PTX4: variants seen among roughly 807,000 people sequenced by gnomAD.
PTX4 encodes the protein pentraxin 4.
A neutral mutation model predicts 19.1 loss-of-function variants in PTX4; 23 were observed. The ratio of observed to expected loss-of-function variants is 1.20; its 90% CI spans 0.87 to 1.70. PTX4 has a LOEUF of 1.70. Ranked by LOEUF, PTX4 falls within the 40% of genes most tolerant of loss-of-function variation. The pLI is 0.00. For synonymous variants in PTX4, 317 were observed against 279.6 expected (o/e 1.13, Z -1.33); for missense variants, 678 against 610.5 (o/e 1.11, Z -1.17).
chr16:1,488,832 C>T lies in PTX4; in HGVS notation c.78G>A (p.Gln26=), dbSNP rs1393200767. The T allele has an allele frequency of 1.4e-6, 1 of 702,578 alleles. No individual in the cohort carries two copies. Among genetic ancestry groups the T allele is most frequent in the Admixed American group, 2.0e-5 (1 of 49,990 alleles). The allele number at this position is 702,578 out of a possible 1,614,324, so 43.5% of individuals were successfully genotyped here. A position where few individuals can be genotyped will look rare whatever the true frequency, so the allele number is the denominator to read the frequency against. The part of the protein sequence containing the change: ...VPIYLHGASS[Q]EAAPVGPRKP... ...TCCTGGGCCCCACTGGGGCGGCTTC[C>T]TGCGATGAAGCCCCATGTAGATATA... The change falls in exon 1 of 3, where the codon CAG becomes CAA. Residue 26 remains glutamine, a synonymous_variant. Transcript: ENST00000447419.
intron 1 of PTX4, chr16:1,488,456 T>C (rs137991965): frequency 9.3e-6 from 15 of 1,613,654 alleles, no homozygotes; most frequent in Non-Finnish European, 1.3e-5. Flanking sequence ...CCTCCCAGTT[T>C]CCACTCCCCA....
intron 1 of PTX4, chr16:1,488,243 C>T: frequency 2.0e-6 from 3 of 1,528,846 alleles, no homozygotes; most frequent in Non-Finnish European, 2.7e-6. Context: ...CCCATAACCA[C>T]CGGCAAGTCA....
In PTX4 at chr16:1,488,407, G is replaced by A. The variant is rs1304648205; in HGVS notation, c.141+362C>T. The A allele has an allele frequency of 1.2e-6, 2 of 1,613,620 alleles. No homozygotes were observed. Among genetic ancestry groups the A allele is most frequent in the Admixed American group, 3.3e-5 (2 of 60,004 alleles). The stretch of plus-strand genomic sequence containing the variant: ...CCGTGGACCCCGCGTGGGAGTCCGG[G>A]AGGCCGTTCACACCGACTGCCACAA... On this transcript the variant is annotated intron_variant, in intron 1 of 2. Transcript: ENST00000447419.
intron 2 of PTX4, 41 bp from the exon 3 acceptor site, chr16:1,486,620 C>G (rs750608143): frequency 3.6e-5 from 55 of 1,511,950 alleles, no homozygotes; most frequent in Non-Finnish European, 4.8e-5. Flanking sequence ...TGCAGGAGGC[C>G]GAGCAGAAGC....
At position 1,486,288 on chromosome 16, in the gene PTX4, A is replaced by G. The variant is rs757591937; in HGVS notation, c.1088T>C (p.Ile363Thr). Residue 363 changes from isoleucine to threonine, a missense_variant, in exon 3 of 3, where the codon ATC becomes ACC. By Grantham distance (89) the Ile-to-Thr change is moderately conservative. Coordinates refer to ENST00000447419, the MANE Select transcript of PTX4 (RefSeq NM_001328608.2). ...QLLLDGQWHH[I>T]CVIWTSTQGR... ...CTGGGTGGACGTCCAGATGACACAG[A>G]TGTGGTGCCACTGGCCGTCCAGCAG... 1 of 1,613,722 alleles carries G rather than the reference A, an allele frequency of 6.2e-7. No homozygotes were observed. Among genetic ancestry groups the G allele is most frequent in the South Asian group, 1.1e-5 (1 of 91,060 alleles).
At chr16:1,488,279 C>T (rs1203299086) in intron 1 of PTX4, 3 of 1,582,176 alleles carry the variant, frequency 1.9e-6, no homozygotes, top group Non-Finnish European at 1.7e-6. Context: ...CCAGCTCCTG[C>T]CTGTGAGCAG....
Position 1,487,745 on chromosome 16 carries a change from G to A in PTX4, c.367C>T (p.Arg123Trp), listed in dbSNP as rs750860083. The change falls in exon 2 of 3, where the codon CGG becomes TGG. Residue 123 changes from arginine (R) to tryptophan (W), a missense_variant. Arg to Trp is a moderately radical substitution (Grantham distance 101). Transcript: ENST00000447419. ...RRGRKVDTRL[R>W]ALDLTLGERS... ...TCGCCCAGGGTGAGGTCCAAGGCCC[G>A]CAGCCGCGTGTCTACTTTCCGGCCT... 1.9e-6 allele frequency: 3 copies of A among 1,612,150 alleles called. No individual in the cohort carries two copies. The highest frequency in any genetic ancestry group is 1.7e-4 in the Middle Eastern group (1 of 6,054).
rs925748943 is a variant in PTX4 at position 1,486,417 on chromosome 16, T to A, written c.959A>T (p.Asp320Val). 5 of 1,613,894 alleles carry A rather than the reference T, an allele frequency of 3.1e-6. No homozygotes were observed. In the African/African-American group the frequency reaches 5.3e-5, roughly 17 times the overall value. ...LGTLLSYATE[D>V]NDNKLVLHGR... ...GTGCAGCACCAGCTTGTTGTCATTG[T>A]CCTCGGTGGCGTAGGACAGGAGGGT... Residue 320 changes from aspartate to valine, a missense_variant, in exon 3 of 3, where the codon GAC (aspartate) becomes GTC (valine). Physicochemically the swap from Asp to Val is radical, Grantham distance 152 (BLOSUM62 -3). Transcript: ENST00000447419.
At position 1,486,188 on chromosome 16, in the gene PTX4, G is replaced by C. The variant is rs2039243474; in HGVS notation, c.1188C>G (p.Pro396=). The change falls in exon 3 of 3, where the codon CCC becomes CCG. Residue 396 remains proline (P), a synonymous_variant. Transcript: ENST00000447419. ...GGCCCAGCACGAGGGACCCTCCGGG[G>C]GGGATCTCATAGCCCTCCCTGAAGC... ...GSRFREGYEI[P]PGGSLVLGQE... is the part of the protein sequence containing the mutation. 3 of 1,613,720 alleles carry C rather than the reference G, an allele frequency of 1.9e-6. No individual in the cohort carries two copies. The highest frequency in any genetic ancestry group is 1.7e-5 in the Admixed American group (1 of 59,990).
At chr16:1,487,120 TCTGA>T (rs935191190) in intron 2 of PTX4, among the ~76,000 whole-genome samples, 192 bp downstream of exon 2, 9 of 152,172 alleles carry the variant, frequency 5.9e-5, no homozygotes, top group Admixed American at 1.3e-4. Context: ...CACGCCCTCC[TCTGA>T]CTGTGTTCCT....
rs775641130 is a variant in PTX4 at position 1,487,599 on chromosome 16, C to T, written c.513G>A (p.Leu171=). 1.3e-6 allele frequency: 2 copies of T among 1,566,944 alleles called. No individual in the cohort carries two copies. The highest frequency in any genetic ancestry group is 8.7e-7 in the Non-Finnish European group (1 of 1,155,112). Residue 171 remains leucine (L), a synonymous_variant, in exon 2 of 3, where the codon CTG becomes CTA. Coordinates refer to ENST00000447419, the MANE Select transcript of PTX4 (RefSeq NM_001328608.2). ...GGTGGGCCACGGGCAGCCGCCCCTC[C>T]AGAGCAGCCAGCCTGGCGCCCTGGC... ...VHSQGARLAA[L]EGRLPVAHPG... is the part of the protein sequence containing the mutation.
At position 1,486,552 on chromosome 16, in the gene PTX4, A is replaced by G; in HGVS notation, c.824T>C (p.Phe275Ser). The G allele has an allele frequency of 6.4e-7, 1 of 1,559,464 alleles. No homozygotes were observed. Among genetic ancestry groups the G allele is most frequent in the Non-Finnish European group, 8.7e-7 (1 of 1,154,958 alleles). The change falls in exon 3 of 3, where the codon TTC becomes TCC. Residue 275 changes from phenylalanine to serine, a missense_variant. Coordinates refer to ENST00000447419, the MANE Select transcript of PTX4 (RefSeq NM_001328608.2). Reference protein sequence around the residue: ...EICGVGPTLVFPNASTRNVVF... With the variant: ...EICGVGPTLVSPNASTRNVVF... The stretch of plus-strand genomic sequence containing the variant: ...CACGTTCCTGGTGGAGGCGTTTGGG[A>G]AAACGAGGGTGGGGCCCACGCCGCA...
rs746273114 is a variant in PTX4, at chr16:1,486,590, A to T, written c.797-11T>A. ...GGCCCACGCCGCAAACTAGAAACAG[A>T]GGAGGGAGGGTCAACCCCTTGCAGG... On this transcript the variant is annotated splice_polypyrimidine_tract_variant and intron_variant, in intron 2 of 2. Coordinates refer to ENST00000447419, the MANE Select transcript of PTX4 (RefSeq NM_001328608.2). The T allele has an allele frequency of 2.0e-6, 3 of 1,533,622 alleles. No homozygotes were observed. The highest frequency in any genetic ancestry group is 2.8e-5 in the African/African-American group (2 of 72,200).
rs776395033 is a variant in PTX4 at position 1,486,505 on chromosome 16, CGAAACCAGG to C, written c.862_870del (p.Pro288_Phe290del). On this transcript the variant is annotated inframe_deletion, in exon 3 of 3. Transcript: ENST00000447419. ...AAGGACAGGGCTCGCAGGGCAGTGA[CGAAACCAGG>C]GCTGAGGAAGACCACGTTCCTGGTG... 4 of 1,606,470 alleles carry C rather than the reference CGAAACCAGG, an allele frequency of 2.5e-6. No individual in the cohort carries two copies.
At chr16:1,486,897 T>G (rs1238072607) in intron 2 of PTX4, among the ~76,000 whole-genome samples, 1 of 152,180 alleles carries the variant, frequency 6.6e-6, no homozygotes, top group Non-Finnish European at 1.5e-5. Flanking sequence ...GCAAATTTCA[T>G]GACTCACAAC....
intron 1 of PTX4, chr16:1,488,347 G>A (rs776619689): frequency 3.7e-6 from 6 of 1,613,364 alleles, no homozygotes; most frequent in East Asian, 2.2e-5. Context: ...AGCACCCAGC[G>A]CAGGCCCGAC....
chr16:1,486,063 T>C lies in PTX4; in HGVS notation c.1313A>G (p.Glu438Gly). Residue 438 changes from glutamate (E) to glycine (G), a missense_variant, in exon 3 of 3, where the codon GAA (glutamate) becomes GGA (glycine). Coordinates refer to ENST00000447419, the MANE Select transcript of PTX4 (RefSeq NM_001328608.2). ...TTTCCCGATGGCAAGGTTTGCAACT[T>C]CCCCGGGAACCAGCGCCCGATCCCA... is the stretch of plus-strand genomic sequence containing the variant. ...AIWDRALVPGEVANLAIGKEF... is the reference protein window; with the variant it reads ...AIWDRALVPGGVANLAIGKEF... The C allele has an allele frequency of 1.2e-6, 2 of 1,614,102 alleles. No homozygotes were observed. Among genetic ancestry groups the C allele is most frequent in the Non-Finnish European group, 1.7e-6 (2 of 1,180,006 alleles).
chr16:1,487,103 C>A (rs1054612897), intron 2 of PTX4, among the ~76,000 whole-genome samples: 5 of 152,240 alleles, frequency 3.3e-5, no homozygotes, highest in Non-Finnish European at 5.9e-5. Flanking sequence ...ACCTCTGCTT[C>A]TGCCCTCACG....
chr16:1,487,232 T>G, intron 2 of PTX4, 84 bp downstream of exon 2: 12 of 1,327,248 alleles, frequency 9.0e-6, no homozygotes, highest in Non-Finnish European at 1.2e-5. Flanking sequence ...CTGAACCTCT[T>G]TTGAGAAGCC....
Sources: allele counts gnomAD v4.1 joint callset (sites outside exome capture counted in the v4.1 genomes callset), GRCh38; gene constraint gnomAD v4.1.1; transcripts MANE v1.5; gene names NCBI Gene and HGNC (gene_info 2026-07-23, HGNC 2026-07-21).